SETBP1: variants seen among roughly 807,000 people sequenced by gnomAD.
SETBP1 encodes SET-binding protein.
Under a neutral mutation model 101.0 loss-of-function variants are expected in SETBP1, and 9 were observed. That is an observed-to-expected ratio of 0.09 (90% CI 0.05 to 0.16). SETBP1 has a LOEUF of 0.16. Ranked by LOEUF, SETBP1 falls within the 10% of genes least tolerant of loss-of-function variation. SETBP1 has a pLI of 1.00. For missense variants in SETBP1, 1,858 were observed against 2,033.8 expected, an observed-to-expected ratio of 0.91 and a Z score of 1.66; for synonymous variants, 818 against 788.5, an observed-to-expected ratio of 1.04 and a Z score of -0.63.
At chr18:44,879,059 T>G (rs945559322) in intron 3 of SETBP1, among the ~76,000 whole-genome samples, 1 of 152,218 alleles carries the variant, frequency 6.6e-6, no homozygotes, top group African/African-American at 2.4e-5. Flanking sequence ...CCAGAGTTAC[T>G]GGCAGAACTC....
intron 3 of SETBP1, among the ~76,000 whole-genome samples, chr18:44,908,070 T>G (rs918335751): frequency 5.4e-5 from 4 of 73,498 alleles, no homozygotes; most frequent in Non-Finnish European, 1.4e-4. Flanking sequence ...TATTTTTTAT[T>G]TTTTTTTTGA....
intron 4 of SETBP1, among the ~76,000 whole-genome samples, chr18:44,972,143 C>T (rs2071878867): frequency 6.6e-6 from 1 of 152,164 alleles, no homozygotes; most frequent in Non-Finnish European, 1.5e-5. Context: ...ATCCTTTCCC[C>T]ATTTCTTATT....
intron 2 of SETBP1, among the ~76,000 whole-genome samples, chr18:44,703,318 G>T (rs2144209607): frequency 8.8e-6 from 1 of 113,396 alleles, no homozygotes; most frequent in Admixed American, 9.9e-5. Flanking sequence ...ATAGCCCGAA[G>T]ATATTCCATA....
intron 3 of SETBP1, among the ~76,000 whole-genome samples, chr18:44,900,518 T>C (rs1174154519): frequency 1.3e-5 from 2 of 152,212 alleles, no homozygotes. Flanking sequence ...AGAAAATTAT[T>C]TGAGTGATTT....
chr18:44,684,167 C>A (rs2068800729), intron 1 of SETBP1, among the ~76,000 whole-genome samples: 1 of 152,182 alleles, frequency 6.6e-6, no homozygotes, highest in East Asian at 1.9e-4. Flanking sequence ...TATCCTGTGG[C>A]ATATGTTGAA....
intron 3 of SETBP1, among the ~76,000 whole-genome samples, chr18:44,896,126 C>T (rs1389264253): frequency 6.6e-6 from 1 of 152,064 alleles, no homozygotes; most frequent in Admixed American, 6.5e-5. Flanking sequence ...TACTTCATTG[C>T]CTACCCCTGA....
At chr18:44,965,624 G>A (rs894298883) in intron 4 of SETBP1, among the ~76,000 whole-genome samples, 7 of 152,184 alleles carry the variant, frequency 4.6e-5, no homozygotes, top group Non-Finnish European at 1.0e-4. Flanking sequence ...TCAGGCAAAG[G>A]AGAAAACAAA....
intron 2 of SETBP1, among the ~76,000 whole-genome samples, chr18:44,715,934 T>C (rs1029591944): frequency 6.6e-6 from 1 of 152,172 alleles, no homozygotes; most frequent in Non-Finnish European, 1.5e-5. Context: ...AGGTCAGCCC[T>C]CTTTGCCCAT....
intron 4 of SETBP1, among the ~76,000 whole-genome samples, chr18:44,958,387 G>A (rs984380004): frequency 2.0e-5 from 3 of 152,146 alleles, no homozygotes; most frequent in Non-Finnish European, 4.4e-5. Context: ...CCTAGTGCTT[G>A]AGTCCCACTG....
intron 2 of SETBP1, among the ~76,000 whole-genome samples, chr18:44,751,335 A>G (rs1160318830): frequency 6.6e-6 from 1 of 152,158 alleles, no homozygotes; most frequent in Non-Finnish European, 1.5e-5. Context: ...TAGCGACAAG[A>G]TTTTGAGAGA....
At chr18:44,847,753 A>T (rs1438747659) in intron 2 of SETBP1, among the ~76,000 whole-genome samples, 1 of 152,226 alleles carries the variant, frequency 6.6e-6, no homozygotes, top group Non-Finnish European at 1.5e-5. Context: ...CAAATATAGA[A>T]TAAAATGCCA....
At chr18:44,997,485 A>G (rs887942315) in intron 4 of SETBP1, among the ~76,000 whole-genome samples, 1 of 152,216 alleles carries the variant, frequency 6.6e-6, no homozygotes, top group Non-Finnish European at 1.5e-5. Flanking sequence ...GCAAGATGCA[A>G]CTGAAGACAA....
intron 2 of SETBP1, among the ~76,000 whole-genome samples, chr18:44,815,988 G>C (rs950743644): frequency 2.6e-5 from 4 of 152,146 alleles, no homozygotes; most frequent in African/African-American, 4.8e-5. Flanking sequence ...ACACCACACT[G>C]TTTCTTTTGC....
intron 2 of SETBP1, among the ~76,000 whole-genome samples, chr18:44,726,727 T>C (rs1429669016): frequency 6.6e-6 from 1 of 152,192 alleles, no homozygotes; most frequent in East Asian, 1.9e-4. Context: ...ACACAAAGAC[T>C]TCATAAAGGC....
chr18:44,879,886 T>C (rs1372536116), intron 3 of SETBP1, among the ~76,000 whole-genome samples: 1 of 152,224 alleles, frequency 6.6e-6, no homozygotes, highest in East Asian at 1.9e-4. Context: ...TATCTTTCAC[T>C]CATGGAAGAG....
At chr18:44,889,655 C>G (rs1193479320) in intron 3 of SETBP1, among the ~76,000 whole-genome samples, 1 of 152,114 alleles carries the variant, frequency 6.6e-6, no homozygotes, top group Non-Finnish European at 1.5e-5. Context: ...GAAGTCTTAA[C>G]AGATAGTTAA....
intron 2 of SETBP1, among the ~76,000 whole-genome samples, chr18:44,785,510 A>G (rs1007099511): frequency 6.6e-6 from 1 of 152,072 alleles, no homozygotes; most frequent in Non-Finnish European, 1.5e-5. Flanking sequence ...CATTTGCTCT[A>G]TGTTTTCTCT....
chr18:44,859,184 C>G (rs1180252927), intron 2 of SETBP1, among the ~76,000 whole-genome samples: 3 of 152,030 alleles, frequency 2.0e-5, no homozygotes. Flanking sequence ...TTTGGTCACC[C>G]AGATTTAGGA....
chr18:44,733,581 A>G (rs1599047991), intron 2 of SETBP1, among the ~76,000 whole-genome samples: 2 of 152,276 alleles, frequency 1.3e-5, no homozygotes, highest in Admixed American at 6.5e-5. Context: ...CAGCTCCAGT[A>G]TCCCTGTGGG....
Sources: allele counts gnomAD v4.1 joint callset (sites outside exome capture counted in the v4.1 genomes callset), GRCh38; gene constraint gnomAD v4.1.1; transcripts MANE v1.5; gene names NCBI Gene and HGNC (gene_info 2026-07-23, HGNC 2026-07-21).